The following TRAF6 variants were observed in gnomAD, a reference collection of about 807,000 sequenced individuals.
The protein encoded by TRAF6 is TNF receptor-associated factor 6.
Under a neutral mutation model 48.4 loss-of-function variants are expected in TRAF6, and 10 were observed. The observed-to-expected ratio is 0.21, with a 90% CI of 0.13 to 0.35. TRAF6 has a LOEUF of 0.35. Among genes scored for constraint, TRAF6 ranks in the 10% least tolerant of loss-of-function variants. The pLI, the probability that TRAF6 is intolerant of heterozygous loss-of-function variation, is 1.00. For synonymous variants in TRAF6, 186 were observed against 219.6 expected (o/e 0.85, Z 1.35); for missense variants, 397 against 661.0 (o/e 0.60, Z 4.38).
At chr11:36,505,616 G>A (rs537425096) in intron 1 of TRAF6, among the ~76,000 whole-genome samples, 1 of 152,294 alleles carries the variant, frequency 6.6e-6, no homozygotes, top group African/African-American at 2.4e-5. Context: ...GAGTTCACTG[G>A]AGTACCACTT....
In TRAF6 at chr11:36,488,974, T is replaced by C. The variant is rs1248980937; in HGVS notation, c.*864A>G. 6.6e-6 allele frequency: 1 copy of C among 152,216 alleles called. No individual in the cohort carries two copies. Among genetic ancestry groups the C allele is most frequent in the Admixed American group, 6.5e-5 (1 of 15,286 alleles). 9.4% of individuals were successfully genotyped at this position (152,216 alleles called of 1,614,324 possible). On this transcript the variant is annotated 3_prime_UTR_variant, in exon 7 of 7. Coordinates refer to ENST00000526995, the MANE Select transcript of TRAF6 (RefSeq NM_004620.4). Reference sequence around the variant, plus strand: ...TTTAATTTTTATGTTGCTGATTGTATGTGTGCATCTCCTGTCTTGTAAGCA... The same window carrying C: ...TTTAATTTTTATGTTGCTGATTGTACGTGTGCATCTCCTGTCTTGTAAGCA...
intron 4 of TRAF6, chr11:36,496,588 G>GAA: frequency 2.6e-5 from 3 of 116,270 alleles, no homozygotes; most frequent in East Asian, 2.4e-4. Flanking sequence ...CTCAAAAAAA[G>GAA]AAAAAAAAAA....
Position 36,487,636 on chromosome 11 carries a change from G to A in TRAF6, c.*2202C>T, listed in dbSNP as rs1859503583. On this transcript the variant is annotated 3_prime_UTR_variant, in exon 7 of 7. Transcript: ENST00000526995. ...AATTTGAGACAGAATGTTATGGCTG[G>A]AGGGGACTCTAGAAATATCTGGTCC... The A allele has an allele frequency of 6.6e-6, 1 of 152,206 alleles. No homozygotes were observed. Among genetic ancestry groups the A allele is most frequent in the Non-Finnish European group, 1.5e-5 (1 of 68,044 alleles). 9.4% of individuals were successfully genotyped at this position (152,206 alleles called of 1,614,324 possible). A position where few individuals can be genotyped will look rare whatever the true frequency, so the allele number is the denominator to read the frequency against.
chr11:36,497,332 T>G, intron 3 of TRAF6, 66 bp from the exon 4 acceptor site: 3 of 1,452,024 alleles, frequency 2.1e-6, no homozygotes, highest in Non-Finnish European at 2.8e-6. Context: ...TAAGCTCTCC[T>G]AATCATATAC....
At chr11:36,491,349 T>C (rs1376715035) in intron 6 of TRAF6, among the ~76,000 whole-genome samples, 2 of 152,168 alleles carry the variant, frequency 1.3e-5, no homozygotes, top group Admixed American at 6.6e-5. Context: ...CTAGAAAATA[T>C]AGATGACCAA....
Position 36,490,724 on chromosome 11 carries a change from A to G in TRAF6, c.757-74T>C, listed in dbSNP as rs1188580739. 2 of 1,390,432 alleles carry G rather than the reference A, an allele frequency of 1.4e-6. No individual in the cohort carries two copies. Among genetic ancestry groups the G allele is most frequent in the East Asian group, 2.3e-5 (1 of 43,416 alleles). 86.1% of individuals were successfully genotyped at this position (1,390,432 alleles called of 1,614,324 possible). On this transcript the variant is annotated intron_variant, in intron 6 of 6. Transcript: ENST00000526995. This position sits in a 1 kb window ranked among gnomAD's most constrained non-coding sequence, Gnocchi z 6.4. ...TAGGAAAAGGACCTGGCCAGGTCAA[A>G]TAAGAAGTTTTCAAGTAGTCACACC...
rs1367317645 is a variant in TRAF6 at position 36,507,202 on chromosome 11, T to C, written c.-23+2846A>G. 1.2e-3 allele frequency among the ~76,000 whole-genome samples: 36 copies of C among 30,052 alleles called. 1 individual carries two copies. Among genetic ancestry groups the C allele is most frequent in the African/African-American group, 4.6e-3 (36 of 7,822 alleles). 19.7% of individuals were successfully genotyped at this position (30,052 alleles called of 152,430 possible). A position where few individuals can be genotyped will look rare whatever the true frequency, so the allele number is the denominator to read the frequency against. On this transcript the variant is annotated intron_variant, in intron 1 of 6. Transcript: ENST00000526995. The stretch of plus-strand genomic sequence containing the variant: ...ATGTATATATGTATATATACATGTA[T>C]TATACATACATAAATGTATATATGT...
intron 3 of TRAF6, 21 bp from the exon 4 acceptor site, chr11:36,497,287 G>A: frequency 6.2e-7 from 1 of 1,601,472 alleles, no homozygotes; most frequent in Non-Finnish European, 8.5e-7. Context: ...AAAAATAATG[G>A]ATTAGCATTA....
chr11:36,497,344 G>C (rs949047268), intron 3 of TRAF6, 78 bp from the exon 4 acceptor site: 70 of 1,362,818 alleles, frequency 5.1e-5, no homozygotes, highest in Non-Finnish European at 6.9e-5. Context: ...ATCATATACT[G>C]TTCTCTTTCA....
Position 36,485,292 on chromosome 11 carries a change from T to C in TRAF6, c.*4546A>G, listed in dbSNP as rs1859465325. Among the ~76,000 whole-genome samples the C allele has an allele frequency of 6.6e-6, 1 of 152,170 alleles. No homozygotes were observed. The highest frequency in any genetic ancestry group is 1.5e-5 in the Non-Finnish European group (1 of 68,052). ...GAAATTGGTCAGCTTCAACTGCTGC[T>C]TTCAATAAATGTTCATTATTACGTA... is the stretch of plus-strand genomic sequence containing the variant. On this transcript the variant is annotated 3_prime_UTR_variant, in exon 7 of 7. Coordinates refer to ENST00000526995, the MANE Select transcript of TRAF6 (RefSeq NM_004620.4).
At chr11:36,505,114 T>C (rs182398848) in intron 1 of TRAF6, among the ~76,000 whole-genome samples, 11 of 152,332 alleles carry the variant, frequency 7.2e-5, no homozygotes, top group South Asian at 4.1e-4. Flanking sequence ...AGCACTGGTG[T>C]CAACTCAACA....
intron 2 of TRAF6, 152 bp from the exon 3 acceptor site, chr11:36,498,792 C>T: frequency 1.3e-6 from 1 of 779,266 alleles, no homozygotes; most frequent in Non-Finnish European, 1.9e-6. Context: ...AACAAACTGT[C>T]CTTTTATGGA....
chr11:36,499,882 A>T (rs1337858693), intron 2 of TRAF6, among the ~76,000 whole-genome samples: 1 of 152,238 alleles, frequency 6.6e-6, no homozygotes, highest in Non-Finnish European at 1.5e-5. Flanking sequence ...ATTGAAGAAC[A>T]TAAAATCTGC....
rs1273122734 is a variant in TRAF6 at position 36,487,040 on chromosome 11, G to C, written c.*2798C>G. The C allele has an allele frequency of 6.6e-6, 1 of 151,570 alleles. No homozygotes were observed. The highest frequency in any genetic ancestry group is 1.5e-5 in the Non-Finnish European group (1 of 68,072). The allele number at this position is 151,570 out of a possible 1,614,324, so 9.4% of individuals were successfully genotyped here. On this transcript the variant is annotated 3_prime_UTR_variant, in exon 7 of 7. Coordinates refer to ENST00000526995, the MANE Select transcript of TRAF6 (RefSeq NM_004620.4). ...CGGGAGGTGGAGGTTGCAGTGAGCCGAGGTTGCACCACTGCACTCCAGCCT... is the reference window on the plus strand; with the variant it reads ...CGGGAGGTGGAGGTTGCAGTGAGCCCAGGTTGCACCACTGCACTCCAGCCT...
At chr11:36,504,076 C>G (rs914812205) in intron 1 of TRAF6, among the ~76,000 whole-genome samples, 1 of 152,146 alleles carries the variant, frequency 6.6e-6, no homozygotes, top group African/African-American at 2.4e-5. Context: ...GAGCCTTCAG[C>G]GAGCTATAAT....
intron 4 of TRAF6, among the ~76,000 whole-genome samples, chr11:36,495,913 G>A (rs941276873): frequency 9.2e-5 from 14 of 151,994 alleles, no homozygotes; most frequent in African/African-American, 3.1e-4. Flanking sequence ...AAGAAAAAAA[G>A]GAGTTGTCAT....
intron 1 of TRAF6, among the ~76,000 whole-genome samples, chr11:36,507,186 T>C (rs375728844): frequency 0.12 from 8,901 of 75,796 alleles, 902 homozygotes; most frequent in African/African-American, 0.15. Context: ...AATGTATATA[T>C]GTATATATAC....
At chr11:36,504,186 A>G (rs1011918410) in intron 1 of TRAF6, among the ~76,000 whole-genome samples, 1 of 145,116 alleles carries the variant, frequency 6.9e-6, no homozygotes, top group African/African-American at 2.9e-5. Context: ...ATTTCTCAAA[A>G]TAATACAACA....
intron 1 of TRAF6, among the ~76,000 whole-genome samples, chr11:36,505,490 C>A (rs907500191): frequency 6.6e-6 from 1 of 152,176 alleles, no homozygotes; most frequent in Admixed American, 6.5e-5. Flanking sequence ...AGAATTAGGA[C>A]CTTGCTCTGG....
Sources: allele counts gnomAD v4.1 joint callset (sites outside exome capture counted in the v4.1 genomes callset), GRCh38; gene constraint gnomAD v4.1.1; non-coding constraint Gnocchi (gnomAD v3.1); transcripts MANE v1.5; gene names NCBI Gene and HGNC (gene_info 2026-07-23, HGNC 2026-07-21).